Variants in ADGRL4 observed in about 807,000 individuals in gnomAD.
ADGRL4 encodes the protein EGF, latrophilin and seven transmembrane domain containing 1.
ADGRL4 carries 90 observed loss-of-function variants against 74.8 expected under a neutral mutation model. The observed-to-expected ratio is 1.20, with a 90% CI of 1.02 to 1.43. The LOEUF (loss-of-function observed/expected upper bound fraction) is 1.43. Among genes scored for constraint, ADGRL4 ranks in the 40% most tolerant of loss-of-function variants. ADGRL4 has a pLI of 0.00. For synonymous variants in ADGRL4, 311 were observed against 279.2 expected, an observed-to-expected ratio of 1.11 and a Z score of -1.14; for missense variants, 881 against 814.3, an observed-to-expected ratio of 1.08 and a Z score of -1.00.
At chr1:78,990,647 C>G (rs1356530898) in intron 2 of ADGRL4, among the ~76,000 whole-genome samples, 5 of 151,860 alleles carry the variant, frequency 3.3e-5, no homozygotes, top group African/African-American at 4.8e-5. Flanking sequence ...AACTGAAATT[C>G]AAAGACCAAA....
chr1:78,988,584 A>G (rs907320367), intron 2 of ADGRL4, among the ~76,000 whole-genome samples: 5 of 151,786 alleles, frequency 3.3e-5, no homozygotes, highest in Non-Finnish European at 2.9e-5. Context: ...AAAATACTAC[A>G]CTGATGAATG....
chr1:78,956,870 C>T (rs1026624947), intron 2 of ADGRL4, among the ~76,000 whole-genome samples: 3 of 152,106 alleles, frequency 2.0e-5, no homozygotes, highest in Non-Finnish European at 4.4e-5. Context: ...CTTTATTGTA[C>T]TTTGCAGAAA....
chr1:78,912,092 T>C (rs1648774388), intron 12 of ADGRL4, among the ~76,000 whole-genome samples: 1 of 151,820 alleles, frequency 6.6e-6, no homozygotes, highest in Non-Finnish European at 1.5e-5. Flanking sequence ...GAGGTTCCAA[T>C]GTGAATGCAG....
At chr1:78,891,916 T>C (rs1007053447) in intron 13 of ADGRL4, among the ~76,000 whole-genome samples, 14 of 152,096 alleles carry the variant, frequency 9.2e-5, no homozygotes, top group African/African-American at 3.4e-4. Context: ...GCTTCCAAAG[T>C]CAAATTGCTG....
chr1:78,938,140 G>C lies in ADGRL4; in HGVS notation c.536C>G (p.Thr179Ser). The change falls in exon 5 of 15, where the codon ACT (threonine) becomes AGT (serine). Residue 179 changes from threonine (T) to serine (S), a missense_variant. Coordinates refer to ENST00000370742, the MANE Select transcript of ADGRL4 (RefSeq NM_022159.4). Reference protein sequence around the residue: ...SSSLLGYKNNTISAKDTLSNS... With the variant: ...SSSLLGYKNNSISAKDTLSNS... ...AGAAAGGGTGTCCTTGGCTGAGATA[G>C]TGTTGTTCTTGTAACCTAGTAATGA... The C allele has an allele frequency of 1.9e-6, 3 of 1,613,264 alleles. No individual in the cohort carries two copies. The highest frequency in any genetic ancestry group is 2.5e-6 in the Non-Finnish European group (3 of 1,179,690).
chr1:78,897,798 T>G (rs1648429225), intron 12 of ADGRL4, among the ~76,000 whole-genome samples: 1 of 152,128 alleles, frequency 6.6e-6, no homozygotes, highest in African/African-American at 2.4e-5. Flanking sequence ...AAAATGTAAG[T>G]TTTCCCAGTT....
chr1:78,996,271 C>A (rs1650711949), intron 2 of ADGRL4, among the ~76,000 whole-genome samples: 1 of 152,178 alleles, frequency 6.6e-6, no homozygotes, highest in Non-Finnish European at 1.5e-5. Flanking sequence ...AAAGTACTTT[C>A]TCTCTTCTCA....
intron 2 of ADGRL4, among the ~76,000 whole-genome samples, chr1:78,998,684 C>T (rs1650772909): frequency 6.6e-6 from 1 of 151,792 alleles, no homozygotes; most frequent in South Asian, 2.1e-4. Flanking sequence ...AAAATATCTT[C>T]ATATATATAT....
chr1:78,992,822 A>G (rs1356648708), intron 2 of ADGRL4, among the ~76,000 whole-genome samples: 1 of 152,136 alleles, frequency 6.6e-6, no homozygotes, highest in Admixed American at 6.6e-5. Context: ...TATATACTGT[A>G]CAGTGGTGTT....
At chr1:78,951,829 A>G (rs1009672524) in intron 2 of ADGRL4, among the ~76,000 whole-genome samples, 1 of 152,184 alleles carries the variant, frequency 6.6e-6, no homozygotes, top group Non-Finnish European at 1.5e-5. Flanking sequence ...TGAAGAGTGA[A>G]GTGTACTTTA....
chr1:78,917,749 T>C (rs750243091), intron 11 of ADGRL4, 49 bp from the exon 12 acceptor site: 3 of 1,577,790 alleles, frequency 1.9e-6, no homozygotes, highest in Non-Finnish European at 2.6e-6. Flanking sequence ...TGCATGTATG[T>C]TAACATAGCA....
At chr1:78,960,615 T>C (rs1456412004) in intron 2 of ADGRL4, among the ~76,000 whole-genome samples, 1 of 152,206 alleles carries the variant, frequency 6.6e-6, no homozygotes, top group Non-Finnish European at 1.5e-5. Flanking sequence ...GCAATTTTTT[T>C]AAAGTAACCT....
rs766090048 is a variant in ADGRL4, at chr1:78,918,060, A to G, written c.1462-10T>C. The G allele has an allele frequency of 4.5e-6, 7 of 1,570,168 alleles. No individual in the cohort carries two copies. The African/African-American group carries it at 9.7e-5, about 22-fold the overall frequency. On this transcript the variant is annotated splice_polypyrimidine_tract_variant and intron_variant, in intron 10 of 14. Transcript: ENST00000370742. Reference sequence around the variant, plus strand: ...TGATTGAACAGAAGAGCTAGAAATCAAAGAAAAAAAAAAAAACATTGTCAG... The same window carrying G: ...TGATTGAACAGAAGAGCTAGAAATCGAAGAAAAAAAAAAAAACATTGTCAG...
chr1:78,896,193 C>A (rs1648394743), intron 12 of ADGRL4, among the ~76,000 whole-genome samples: 1 of 151,816 alleles, frequency 6.6e-6, no homozygotes, highest in Admixed American at 6.6e-5. Context: ...GCTCCTCAAG[C>A]CTTGAGGATT....
chr1:78,892,659 C>T (rs1648307730), intron 13 of ADGRL4, among the ~76,000 whole-genome samples: 1 of 152,026 alleles, frequency 6.6e-6, no homozygotes, highest in Non-Finnish European at 1.5e-5. Flanking sequence ...TTCCAGTGTT[C>T]CCTATAGTAT....
At chr1:78,900,471 C>T (rs1191728950) in intron 12 of ADGRL4, among the ~76,000 whole-genome samples, 2 of 152,106 alleles carry the variant, frequency 1.3e-5, no homozygotes, top group East Asian at 1.9e-4. Context: ...GAGAAATACA[C>T]GCACATGTAC....
At chr1:78,960,830 C>T (rs1171162843) in intron 2 of ADGRL4, among the ~76,000 whole-genome samples, 2 of 152,256 alleles carry the variant, frequency 1.3e-5, no homozygotes, top group Non-Finnish European at 1.5e-5. Context: ...CCTCACCAGA[C>T]AATGAATCTG....
At chr1:78,921,582 T>C in intron 9 of ADGRL4, 31 bp downstream of exon 9, 1 of 1,327,454 alleles carries the variant, frequency 7.5e-7, no homozygotes, top group Non-Finnish European at 9.9e-7. Flanking sequence ...AAAAGCAACA[T>C]TTATAAATAT....
chr1:78,960,728 T>C (rs144076910), intron 2 of ADGRL4, among the ~76,000 whole-genome samples: 7 of 152,158 alleles, frequency 4.6e-5, no homozygotes, highest in African/African-American at 1.4e-4. Flanking sequence ...TCCAGGTGAA[T>C]GGAATTAGTG....
Sources: gnomAD v4.1 joint callset for allele counts (sites outside exome capture counted in the v4.1 genomes callset) on GRCh38, gnomAD v4.1.1 for gene constraint, MANE v1.5 for transcripts, NCBI Gene and HGNC (gene_info 2026-07-23, HGNC 2026-07-21) for gene names.